Variants in KLHL20 observed in about 807,000 individuals in gnomAD.
KLHL20 encodes kelch-like protein 20.
A neutral mutation model predicts 69.5 loss-of-function variants in KLHL20; 29 were observed. The ratio of observed to expected loss-of-function variants is 0.42; its 90% CI spans 0.31 to 0.57. The LOEUF (loss-of-function observed/expected upper bound fraction) is 0.57, where lower values mean the gene tolerates loss of function less well. KLHL20 is among the 20% of genes least tolerant of loss of function. The pLI is 0.18. For missense variants in KLHL20, 419 were observed against 776.0 expected (o/e 0.54, Z 5.47); for synonymous variants, 253 against 265.2 (o/e 0.95, Z 0.45).
chr1:173,728,873 A>G lies in KLHL20; in HGVS notation c.24-4840A>G, dbSNP rs536459415. On this transcript the variant is annotated intron_variant, in intron 2 of 11. Transcript: ENST00000209884. ...GCTAGCAGAAGGCAAGAAATAACTA[A>G]GATCAGAGCAGAACTGAAGGAAATA... Among the ~76,000 whole-genome samples the G allele has an allele frequency of 3.3e-5, 5 of 152,382 alleles. No homozygotes were observed. The East Asian group carries it at 5.8e-4, about 18-fold the overall frequency.
chr1:173,734,094 G>A lies in KLHL20; in HGVS notation c.405G>A (p.Glu135=). ...FAYTSQITVE[E]GNVQTLLPAA... ...ATACCTCCCAGATAACAGTAGAAGA[G>A]GGCAATGTTCAGACTCTTCTGCCAG... Residue 135 remains glutamate, a synonymous_variant, in exon 3 of 12, where the codon GAG becomes GAA. Coordinates refer to ENST00000209884, the MANE Select transcript of KLHL20 (RefSeq NM_014458.4). 1.2e-6 allele frequency: 2 copies of A among 1,614,174 alleles called. No homozygotes were observed. The highest frequency in any genetic ancestry group is 1.7e-6 in the Non-Finnish European group (2 of 1,180,036).
At chr1:173,765,193 G>C (rs1452462145) in intron 7 of KLHL20, among the ~76,000 whole-genome samples, 1 of 152,062 alleles carries the variant, frequency 6.6e-6, no homozygotes, top group Non-Finnish European at 1.5e-5. Context: ...AGAGCAATTT[G>C]ATAGGATTTT....
At chr1:173,784,807 A>C (rs919976330) in intron 11 of KLHL20, among the ~76,000 whole-genome samples, 3 of 152,236 alleles carry the variant, frequency 2.0e-5, no homozygotes, top group African/African-American at 7.2e-5. Flanking sequence ...TAATATAGCC[A>C]GGGGCAAAAT....
chr1:173,730,780 T>G (rs1339646319), intron 2 of KLHL20, among the ~76,000 whole-genome samples: 3 of 152,130 alleles, frequency 2.0e-5, no homozygotes, highest in Non-Finnish European at 2.9e-5. Context: ...GAAGAAAACC[T>G]AGGCAATACC....
Position 173,751,804 on chromosome 1 carries a change from A to G in KLHL20, c.638A>G (p.Gln213Arg). 6.2e-7 allele frequency: 1 copy of G among 1,614,156 alleles called. No individual in the cohort carries two copies. The stretch of plus-strand genomic sequence containing the variant: ...GAGTTCATGTTGCTTCCAGCCAATC[A>G]ACTCATTGATATAATATCCAGTGAT... Reference protein sequence around the residue: ...SEEFMLLPANQLIDIISSDEL... With the variant: ...SEEFMLLPANRLIDIISSDEL... The change falls in exon 4 of 12, where the codon CAA (glutamine) becomes CGA (arginine). Residue 213 changes from glutamine (Q) to arginine (R), a missense_variant. Gln to Arg is a conservative substitution (Grantham distance 43). Coordinates refer to ENST00000209884, the MANE Select transcript of KLHL20 (RefSeq NM_014458.4).
rs545916587 is a variant in KLHL20, at chr1:173,740,052, A to G, written c.597+5766A>G. Among the ~76,000 whole-genome samples, 28 of 142,340 alleles carry G rather than the reference A, an allele frequency of 2.0e-4. No individual in the cohort carries two copies. The South Asian group carries it at 6.3e-3, about 32-fold the overall frequency. 93.4% of individuals were successfully genotyped at this position (142,340 alleles called of 152,430 possible). A position where few individuals can be genotyped will look rare whatever the true frequency, so the allele number is the denominator to read the frequency against. On this transcript the variant is annotated intron_variant, in intron 3 of 11. Transcript: ENST00000209884. ...TTTTCAAAGAACCAGCTTTTCTTTCATTTCTCTTTTGTACTATTTTTTCTG... is the reference window on the plus strand; with the variant it reads ...TTTTCAAAGAACCAGCTTTTCTTTCGTTTCTCTTTTGTACTATTTTTTCTG...
intron 3 of KLHL20, among the ~76,000 whole-genome samples, chr1:173,750,451 A>C (rs1303976598): frequency 6.6e-6 from 1 of 151,058 alleles, no homozygotes; most frequent in South Asian, 2.1e-4. Context: ...AAGGGACTAC[A>C]GGCACGCACC....
chr1:173,745,170 CTTTTTT>C (rs796578983), intron 3 of KLHL20, among the ~76,000 whole-genome samples: 3 of 115,534 alleles, frequency 2.6e-5, no homozygotes, highest in Non-Finnish European at 3.5e-5. Context: ...TTTCTTTTTT[CTTTTTT>C]TTTTTTTTTT....
In KLHL20 at chr1:173,734,182, T is replaced by C; in HGVS notation, c.493T>C (p.Leu165=). 6.2e-7 allele frequency: 1 copy of C among 1,614,198 alleles called. No individual in the cohort carries two copies. The highest frequency in any genetic ancestry group is 8.5e-7 in the Non-Finnish European group (1 of 1,180,032). ...CTGCTGTGAATTCTTAAAGAGACAA[T>C]TAGATCCTTCTAACTGCCTGGGCAT... ...EACCEFLKRQ[L]DPSNCLGIRA... is the part of the protein sequence containing the mutation. Residue 165 remains leucine (L), a synonymous_variant, in exon 3 of 12, where the codon TTA becomes CTA. Transcript: ENST00000209884.
At position 173,734,268 on chromosome 1, in the gene KLHL20, C is replaced by T. The variant is rs1672424227; in HGVS notation, c.579C>T (p.Thr193=). 1 of 1,614,014 alleles carries T rather than the reference C, an allele frequency of 6.2e-7. No homozygotes were observed. The highest frequency in any genetic ancestry group is 1.3e-5 in the African/African-American group (1 of 74,910). ...TGCTAAGGATAGCAGACAAGTTCAC[C>T]CAACATAACTTTCAAGAGGTGAGTT... ...RELLRIADKF[T]QHNFQEVMES... The change falls in exon 3 of 12, where the codon ACC becomes ACT. Residue 193 remains threonine (T), a synonymous_variant. Coordinates refer to ENST00000209884, the MANE Select transcript of KLHL20 (RefSeq NM_014458.4).
intron 2 of KLHL20, among the ~76,000 whole-genome samples, chr1:173,725,097 T>C (rs907063190): frequency 9.9e-5 from 15 of 152,014 alleles, no homozygotes; most frequent in Admixed American, 7.2e-4. Flanking sequence ...AAAAAATCTG[T>C]ATTTGGTGAG....
intron 2 of KLHL20, among the ~76,000 whole-genome samples, chr1:173,733,021 C>A (rs1010033191): frequency 4.0e-5 from 5 of 125,746 alleles, no homozygotes; most frequent in Admixed American, 1.7e-4. Context: ...TCAATCCAGA[C>A]TTTTTTTTTT....
intron 3 of KLHL20, among the ~76,000 whole-genome samples, chr1:173,742,504 AC>A (rs1465109006): frequency 6.6e-6 from 1 of 152,084 alleles, no homozygotes; most frequent in East Asian, 1.9e-4. Context: ...GGGATAAGTG[AC>A]TGGCAATGGT....
At chr1:173,745,308 G>A (rs1171635664) in intron 3 of KLHL20, among the ~76,000 whole-genome samples, 1 of 150,522 alleles carries the variant, frequency 6.6e-6, no homozygotes, top group Non-Finnish European at 1.5e-5. Flanking sequence ...GATTACAGGC[G>A]TGCACCACCA....
At position 173,753,233 on chromosome 1, in the gene KLHL20, G is replaced by A. The variant is rs1237168621; in HGVS notation, c.777G>A (p.Leu259=). ...CATAGGTGCTGCAGCATGTTCGTTTGCCTTTGCTTAGTCCCAAGTTCCTGG... is the reference window on the plus strand; with the variant it reads ...CATAGGTGCTGCAGCATGTTCGTTTACCTTTGCTTAGTCCCAAGTTCCTGG... The part of the protein sequence containing the change: ...QLPQVLQHVR[L]PLLSPKFLVG... Residue 259 remains leucine (L), a synonymous_variant, in exon 5 of 12, where the codon TTG becomes TTA. Transcript: ENST00000209884. The A allele has an allele frequency of 1.2e-6, 2 of 1,613,862 alleles. No individual in the cohort carries two copies. The highest frequency in any genetic ancestry group is 2.2e-5 in the South Asian group (2 of 91,070).
chr1:173,721,661 C>T (rs896294494), intron 2 of KLHL20, among the ~76,000 whole-genome samples: 2 of 152,172 alleles, frequency 1.3e-5, no homozygotes, highest in Non-Finnish European at 2.9e-5. Flanking sequence ...TCCAATAAGC[C>T]GTGATGAGAT....
chr1:173,718,494 C>T (rs540614287), intron 2 of KLHL20, among the ~76,000 whole-genome samples: 6 of 150,904 alleles, frequency 4.0e-5, no homozygotes, highest in South Asian at 2.1e-4. Context: ...GCAGTTAAGC[C>T]GTGATCATAC....
chr1:173,733,215 T>G (rs1571866294), intron 2 of KLHL20, among the ~76,000 whole-genome samples: 1 of 151,868 alleles, frequency 6.6e-6, no homozygotes, highest in Non-Finnish European at 1.5e-5. Flanking sequence ...AGAGACAGGG[T>G]TTTGCCACAT....
At position 173,733,929 on chromosome 1, in the gene KLHL20, T is replaced by C; in HGVS notation, c.240T>C (p.Tyr80=). The change falls in exon 3 of 12, where the codon TAT becomes TAC. Residue 80 remains tyrosine (Y), a synonymous_variant. Transcript: ENST00000209884. The part of the protein sequence containing the change: ...VVLVVGAKKI[Y]AHRVILSACS... ...TAGTTGTGGGCGCCAAGAAGATATA[T>C]GCCCATCGAGTCATTTTGTCAGCCT... 1 of 1,614,194 alleles carries C rather than the reference T, an allele frequency of 6.2e-7. No individual in the cohort carries two copies. The highest frequency in any genetic ancestry group is 8.5e-7 in the Non-Finnish European group (1 of 1,180,022).
Sources: allele counts gnomAD v4.1 joint callset (sites outside exome capture counted in the v4.1 genomes callset), GRCh38; gene constraint gnomAD v4.1.1; transcripts MANE v1.5; gene names NCBI Gene and HGNC (gene_info 2026-07-23, HGNC 2026-07-21).